NAALADL1: variants seen among roughly 807,000 people sequenced by gnomAD.
NAALADL1 encodes N-acetylated alpha-linked acidic dipeptidase like 1, also known as aminopeptidase NAALADL1.
NAALADL1 carries 77 observed loss-of-function variants against 82.8 expected under a neutral mutation model. The observed-to-expected ratio is 0.93, with a 90% CI of 0.77 to 1.12. NAALADL1 has a LOEUF of 1.12. Among genes scored for constraint, NAALADL1 ranks in the 50% most tolerant of loss-of-function variants. The probability of loss-of-function intolerance (pLI) is 0.00; values close to 1 mark genes in which losing one functional copy is unlikely to be tolerated. For missense variants in NAALADL1, 956 were observed against 964.0 expected (o/e 0.99, Z 0.11); for synonymous variants, 358 against 399.2 (o/e 0.90, Z 1.23).
intron 17 of NAALADL1, 89 bp downstream of exon 17, chr11:65,045,733 G>A: frequency 7.7e-7 from 1 of 1,303,004 alleles, no homozygotes. Flanking sequence ...CACTCTAAAG[G>A]GCAGAGAAGC....
Position 65,054,771 on chromosome 11 carries a change from A to G in NAALADL1, c.604-33T>C. On this transcript the variant is annotated intron_variant, in intron 4 of 17. Transcript: ENST00000358658. The surrounding 1 kb of genome is among the most constrained non-coding windows in gnomAD (Gnocchi z 4.3). ...GGGCAGAGGAGGCTGTGTGTAAGGG[A>G]GGGACCGGGACCAGATATGTCCTAT... 6.2e-7 allele frequency: 1 copy of G among 1,602,242 alleles called. No homozygotes were observed. The highest frequency in any genetic ancestry group is 8.5e-7 in the Non-Finnish European group (1 of 1,174,434).
rs778722583 is a variant in NAALADL1, at chr11:65,048,198, C to T, written c.1302G>A (p.Leu434=). ...TEFTEEFFNK[L]QERTVAYINV... is the part of the protein sequence containing the mutation. ...TGATGTAGGCCACCGTGCGCTCCTG[C>T]AGCTTGTTGAAGAACTCCTGCGGGT... Residue 434 remains leucine (L), a synonymous_variant, in exon 10 of 18, where the codon CTG becomes CTA. Transcript: ENST00000358658. 15 of 1,613,898 alleles carry T rather than the reference C, an allele frequency of 9.3e-6. No individual in the cohort carries two copies. The South Asian group carries it at 1.6e-4, about 18-fold the overall frequency.
Position 65,045,808 on chromosome 11 carries a change from T to C in NAALADL1, c.2036+14A>G, listed in dbSNP as rs774587961. 1 of 1,613,222 alleles carries C rather than the reference T, an allele frequency of 6.2e-7. No homozygotes were observed. On this transcript the variant is annotated intron_variant, in intron 17 of 17. Transcript: ENST00000358658. ...CACCTGGAGGCACCTCCCAGGACTC[T>C]GGGACAGACTCACCTGTAGTAGCGT...
At chr11:65,045,505 G>A (rs1257622230) in intron 17 of NAALADL1, 48 bp from the exon 18 acceptor site, 5 of 1,526,076 alleles carry the variant, frequency 3.3e-6, no homozygotes, top group Non-Finnish European at 4.4e-6. Context: ...TCAGGGGCCA[G>A]GAAAGAGAAG....
At position 65,057,466 on chromosome 11, in the gene NAALADL1, C is replaced by T. The variant is rs371191033; in HGVS notation, c.508G>A (p.Ala170Thr). The stretch of plus-strand genomic sequence containing the variant: ...TGTAGCTCCTTAAAGTCTTCTTCCG[C>T]GCCCCGGTTGGCATAGACGAGGAGG... ...QGLLVYANRG[A>T]EEDFKELQTQ... The change falls in exon 4 of 18, where the codon GCG (alanine) becomes ACG (threonine). Residue 170 changes from alanine (A) to threonine (T), a missense_variant. Ala to Thr is a moderately conservative substitution (Grantham distance 58). Coordinates refer to ENST00000358658, the MANE Select transcript of NAALADL1 (RefSeq NM_005468.3). The T allele has an allele frequency of 2.5e-5, 41 of 1,613,950 alleles. No homozygotes were observed. Among genetic ancestry groups the T allele is most frequent in the African/African-American group, 2.0e-4 (15 of 74,926 alleles).
upstream of NAALADL1, among the ~76,000 whole-genome samples, chr11:65,060,251 G>C (rs992547912): frequency 6.6e-6 from 1 of 152,090 alleles, no homozygotes; most frequent in Admixed American, 6.5e-5. Flanking sequence ...TGTGCTGCTG[G>C]TGAGGAGGTT....
At chr11:65,051,089 A>T (rs2136999974) in intron 8 of NAALADL1, among the ~76,000 whole-genome samples, 1 of 152,208 alleles carries the variant, frequency 6.6e-6, no homozygotes, top group East Asian at 1.9e-4. Context: ...CATCTCTGTA[A>T]GTCTGAAATT....
At chr11:65,050,339 G>A (rs980260023) in intron 8 of NAALADL1, among the ~76,000 whole-genome samples, 79 of 151,878 alleles carry the variant, frequency 5.2e-4, no homozygotes, top group African/African-American at 1.8e-3. Context: ...TTAGCCAGGC[G>A]TGGTGGCGGG....
Position 65,045,415 on chromosome 11 carries a change from G to C in NAALADL1, c.2079C>G (p.Phe693Leu). 1.9e-6 allele frequency: 3 copies of C among 1,613,110 alleles called. No homozygotes were observed. The highest frequency in any genetic ancestry group is 2.2e-5 in the South Asian group (2 of 90,960). ...WAPRTGSVVT[F>L]PGLSNACSRA... is the part of the protein sequence containing the mutation. ...TGGAGCAGGCATTGGATAGGCCCGG[G>C]AATGTGACTACGGAGCCCGTGCGAG... The change falls in exon 18 of 18, where the codon TTC becomes TTG. Residue 693 changes from phenylalanine to leucine, a missense_variant. Coordinates refer to ENST00000358658, the MANE Select transcript of NAALADL1 (RefSeq NM_005468.3).
rs1486054716 is a variant in NAALADL1 at position 65,057,734 on chromosome 11, A to G, written c.480+141T>C. The G allele has an allele frequency of 3.7e-6, 5 of 1,339,316 alleles. No homozygotes were observed. In the Admixed American group the frequency reaches 8.0e-5, roughly 21 times the overall value. The allele number at this position is 1,339,316 out of a possible 1,614,324, so 83.0% of individuals were successfully genotyped here. On this transcript the variant is annotated intron_variant, in intron 3 of 17. Coordinates refer to ENST00000358658, the MANE Select transcript of NAALADL1 (RefSeq NM_005468.3). ...TGAATGACTGATGGAGGAAAGGAGCAGCGATGGAGTGTCCCGGTGAGTAAA... is the reference window on the plus strand; with the variant it reads ...TGAATGACTGATGGAGGAAAGGAGCGGCGATGGAGTGTCCCGGTGAGTAAA...
At position 65,057,486 on chromosome 11, in the gene NAALADL1, A is replaced by G; in HGVS notation, c.488T>C (p.Leu163Pro). The change falls in exon 4 of 18, where the codon CTC becomes CCC. Residue 163 changes from leucine to proline, a missense_variant. Transcript: ENST00000358658. Reference sequence around the variant, plus strand: ...TTCCGCGCCCCGGTTGGCATAGACGAGGAGGCCCTAGTCCCAAGAGGGGGT... The same window carrying G: ...TTCCGCGCCCCGGTTGGCATAGACGGGGAGGCCCTAGTCCCAAGAGGGGGT... ...YAPSGTPQGL[L>P]VYANRGAEED... is the part of the protein sequence containing the mutation. The G allele has an allele frequency of 6.2e-7, 1 of 1,613,202 alleles. No homozygotes were observed. The highest frequency in any genetic ancestry group is 8.5e-7 in the Non-Finnish European group (1 of 1,179,478).
rs1260397847 is a variant in NAALADL1, at chr11:65,047,489, A to C, written c.1585T>G (p.Tyr529Asp). The change falls in exon 13 of 18, where the codon TAT (tyrosine) becomes GAT (aspartate). Residue 529 changes from tyrosine to aspartate, a missense_variant. By Grantham distance (160) the Tyr-to-Asp change is radical. Transcript: ENST00000358658. ...FLGISSMDIA[Y>D]TYDRSKTSAR... ...CGCCTGCTCACCCGGTCATAGGTAT[A>C]GGCAATGTCCATGGAGGAGATGCCC... 31 of 1,564,806 alleles carry C rather than the reference A, an allele frequency of 2.0e-5. No homozygotes were observed. Among genetic ancestry groups the C allele is most frequent in the Non-Finnish European group, 6.1e-6 (7 of 1,154,382 alleles).
intron 3 of NAALADL1, 36 bp downstream of exon 3, chr11:65,057,839 G>A: frequency 6.2e-7 from 1 of 1,610,856 alleles, no homozygotes; most frequent in Non-Finnish European, 8.5e-7. Context: ...AACCAAGGGA[G>A]CTGGGCCAGA....
chr11:65,056,712 CTTTTTTT>C (rs60069296), intron 4 of NAALADL1, among the ~76,000 whole-genome samples: 44,758 of 132,990 alleles, frequency 0.34, 7,668 homozygotes, highest in East Asian at 0.74. Context: ...CATGCCCAGC[CTTTTTTT>C]TTTTTTTTTT....
Position 65,057,784 on chromosome 11 carries a change from G to A in NAALADL1, c.480+91C>T, listed in dbSNP as rs538956328. The stretch of plus-strand genomic sequence containing the variant: ...ATTCCGGAGGGCGCGCTGTGCCCCA[G>A]TTGAGGCACGTTCCCTGGGTCAGGG... On this transcript the variant is annotated intron_variant, in intron 3 of 17. Transcript: ENST00000358658. 8.9e-6 allele frequency: 14 copies of A among 1,570,878 alleles called. No individual in the cohort carries two copies. In the South Asian group the frequency reaches 1.1e-4, roughly 13 times the overall value.
rs146993201 is a variant in NAALADL1 at position 65,058,474 on chromosome 11, G to A, written c.48C>T (p.Leu16=). ...VLGLGLGAAA[L]LGLGIILGHF... is the part of the protein sequence containing the mutation. ...GGCCGAGGATGATCCCCAGCCCCAA[G>A]AGGGCAGCAGCCCCCAGCCCCAGCC... The change falls in exon 1 of 18, where the codon CTC becomes CTT. Residue 16 remains leucine (L), a synonymous_variant. Coordinates refer to ENST00000358658, the MANE Select transcript of NAALADL1 (RefSeq NM_005468.3). 29 of 1,612,600 alleles carry A rather than the reference G, an allele frequency of 1.8e-5. No homozygotes were observed. In the African/African-American group the frequency reaches 3.5e-4, roughly 19 times the overall value.
intron 11 of NAALADL1, 55 bp from the exon 12 acceptor site, chr11:65,047,793 A>G (rs1275472102): frequency 1.3e-6 from 2 of 1,534,574 alleles, no homozygotes; most frequent in Non-Finnish European, 1.8e-6. Context: ...CCCCAACAAC[A>G]GGGCGGGTTC....
chr11:65,046,545 G>C lies in NAALADL1; in HGVS notation c.1600-19C>G. 1.9e-6 allele frequency: 3 copies of C among 1,613,064 alleles called. No homozygotes were observed. The South Asian group carries it at 3.3e-5, about 18-fold the overall frequency. Reference sequence around the variant, plus strand: ...TCTTGCTCTGGGGGAACAAAGCCCAGAGGTGACAGGCTTGGGATGGGAAGT... The same window carrying C: ...TCTTGCTCTGGGGGAACAAAGCCCACAGGTGACAGGCTTGGGATGGGAAGT... On this transcript the variant is annotated intron_variant, in intron 13 of 17. Transcript: ENST00000358658.
rs1383946213 is a variant in NAALADL1 at position 65,048,023 on chromosome 11, C to T, written c.1374G>A (p.Gly458=). Residue 458 remains glycine, a synonymous_variant, in exon 11 of 18, where the codon GGG becomes GGA. Transcript: ENST00000358658. ...AGACGACGCTCTGGACAGGGGGCGT[C>T]CCCTGCACCCTAAGGGTAGCGTTGG... ...VFANATLRVQ[G]TPPVQSVVFS... 4 of 1,613,782 alleles carry T rather than the reference C, an allele frequency of 2.5e-6. No homozygotes were observed. Among genetic ancestry groups the T allele is most frequent in the Non-Finnish European group, 3.4e-6 (4 of 1,179,904 alleles).
Sources: allele counts gnomAD v4.1 joint callset (sites outside exome capture counted in the v4.1 genomes callset), GRCh38; gene constraint gnomAD v4.1.1; non-coding constraint Gnocchi (gnomAD v3.1); transcripts MANE v1.5; gene names NCBI Gene and HGNC (gene_info 2026-07-23, HGNC 2026-07-21).